HEATR5A: variants seen among roughly 807,000 people sequenced by gnomAD.
The protein encoded by HEATR5A is HEAT repeat containing 5A.
HEATR5A carries 178 observed loss-of-function variants against 218.8 expected under a neutral mutation model. The observed-to-expected ratio is 0.81, with a 90% CI of 0.72 to 0.92. The LOEUF (loss-of-function observed/expected upper bound fraction) is 0.92. Ranked by LOEUF, HEATR5A falls within the 40% of genes least tolerant of loss-of-function variation. The probability of loss-of-function intolerance (pLI) is 0.00; values close to 1 mark genes in which losing one functional copy is unlikely to be tolerated. For synonymous variants in HEATR5A, 864 were observed against 871.6 expected (o/e 0.99, Z 0.15); for missense variants, 2,420 against 2,418.9 (o/e 1.00, Z -0.01).
At position 31,306,746 on chromosome 14, in the gene HEATR5A, C is replaced by T; in HGVS notation, c.4952G>A (p.Arg1651Lys). The T allele has an allele frequency of 1.2e-6, 2 of 1,610,014 alleles. No homozygotes were observed. The highest frequency in any genetic ancestry group is 1.7e-6 in the Non-Finnish European group (2 of 1,177,836). Reference protein sequence around the residue: ...CAAQEHVKEKRRSAEVDDGAA... With the variant: ...CAAQEHVKEKKRSAEVDDGAA... ...TTAACATTTACCTTCTGCACTTCGT[C>T]TTTTTTCCTTCACATGTTCTTGAGC... The change falls in exon 31 of 36, where the codon AGA becomes AAA. Residue 1651 changes from arginine to lysine, a missense_variant. Arg to Lys is a conservative substitution (Grantham distance 26). Coordinates refer to ENST00000543095, the MANE Select transcript of HEATR5A (RefSeq NM_015473.4).
chr14:31,403,294 A>G (rs917049519), intron 1 of HEATR5A, among the ~76,000 whole-genome samples: 4 of 152,216 alleles, frequency 2.6e-5, no homozygotes, highest in African/African-American at 7.2e-5. Flanking sequence ...AAAACTTGCT[A>G]AACAGAAGAG....
chr14:31,412,496 T>G (rs1211413035), intron 1 of HEATR5A, among the ~76,000 whole-genome samples: 1 of 135,864 alleles, frequency 7.4e-6, no homozygotes, highest in African/African-American at 2.8e-5. Flanking sequence ...GGGAGCCTGG[T>G]GACAGAGCAA....
chr14:31,321,009 C>T (rs753176664), intron 25 of HEATR5A, among the ~76,000 whole-genome samples: 2 of 152,184 alleles, frequency 1.3e-5, no homozygotes, highest in African/African-American at 4.8e-5. Flanking sequence ...AGCAGAGATA[C>T]CTACTCATTT....
chr14:31,304,614 A>G (rs1255264295), intron 32 of HEATR5A, among the ~76,000 whole-genome samples: 1 of 152,072 alleles, frequency 6.6e-6, no homozygotes, highest in Non-Finnish European at 1.5e-5. Flanking sequence ...ATGGGGTTTC[A>G]CCATGTTGGT....
chr14:31,368,971 T>G (rs1332506912), intron 13 of HEATR5A, among the ~76,000 whole-genome samples: 3 of 152,140 alleles, frequency 2.0e-5, no homozygotes, highest in Non-Finnish European at 4.4e-5. Context: ...GAAGACATTT[T>G]TAATATTTTA....
intron 6 of HEATR5A, among the ~76,000 whole-genome samples, chr14:31,392,844 C>T (rs2030503806): frequency 6.6e-6 from 1 of 152,184 alleles, no homozygotes; most frequent in South Asian, 2.1e-4. Flanking sequence ...TCACACTCAA[C>T]ATCTATTCTA....
At chr14:31,337,386 T>A in intron 22 of HEATR5A, 90 bp downstream of exon 22, 1 of 1,070,336 alleles carries the variant, frequency 9.3e-7, no homozygotes. Context: ...CATATTAACT[T>A]TTAAACTGTT....
At chr14:31,345,012 T>C (rs955204116) in intron 20 of HEATR5A, 75 bp downstream of exon 20, 3 of 1,257,134 alleles carry the variant, frequency 2.4e-6, no homozygotes, top group Non-Finnish European at 3.4e-6. Context: ...GTGCCAAGCA[T>C]ACAGACTAGG....
At chr14:31,396,586 A>C (rs2030662087) in intron 4 of HEATR5A, among the ~76,000 whole-genome samples, 1 of 152,264 alleles carries the variant, frequency 6.6e-6, no homozygotes, top group African/African-American at 2.4e-5. Flanking sequence ...AGCATCAAGA[A>C]TCATTTCATA....
chr14:31,362,966 G>T (rs1295748831), intron 14 of HEATR5A, among the ~76,000 whole-genome samples: 2 of 151,988 alleles, frequency 1.3e-5, no homozygotes, highest in Non-Finnish European at 2.9e-5. Flanking sequence ...CCTGAGGTCA[G>T]GAGTTCACAC....
intron 23 of HEATR5A, among the ~76,000 whole-genome samples, chr14:31,325,216 G>A (rs1195942548): frequency 6.6e-6 from 1 of 152,014 alleles, no homozygotes; most frequent in African/African-American, 2.4e-5. Context: ...GAAAATAACT[G>A]GTTTTTCTCT....
At chr14:31,365,876 G>A (rs1300495155) in intron 13 of HEATR5A, among the ~76,000 whole-genome samples, 1 of 151,266 alleles carries the variant, frequency 6.6e-6, no homozygotes, top group African/African-American at 2.4e-5. Context: ...TGTTGCCCAG[G>A]CTGGTCTGAA....
In HEATR5A at chr14:31,306,857, T is replaced by G; in HGVS notation, c.4841A>C (p.Asn1614Thr). 6.2e-7 allele frequency: 1 copy of G among 1,612,362 alleles called. No individual in the cohort carries two copies. The highest frequency in any genetic ancestry group is 1.1e-5 in the South Asian group (1 of 90,804). ...SDQDLGIELL[N>T]VLHRVILTRE... ...GGTTAAAATTACTCGATGTAGAACA[T>G]TCAGCAATTCTATACCCAAGTCCTA... Residue 1614 changes from asparagine to threonine, a missense_variant, in exon 31 of 36, where the codon AAT becomes ACT. Transcript: ENST00000543095.
In HEATR5A at chr14:31,307,888, A is replaced by G. The variant is rs540276734; in HGVS notation, c.4818+5T>C. On this transcript the variant is annotated splice_donor_5th_base_variant and intron_variant, in intron 30 of 35. Coordinates refer to ENST00000543095, the MANE Select transcript of HEATR5A (RefSeq NM_015473.4). ...GCCTTACAAAAAAAACCCCAGATAA[A>G]TCACCTGATCACTGCCAATTTTTGA... 192 of 1,608,202 alleles carry G rather than the reference A, an allele frequency of 1.2e-4. 2 individuals carry two copies. In the South Asian group the frequency reaches 2.1e-3, roughly 17 times the overall value.
At chr14:31,397,819 C>T (rs1260886234) in intron 4 of HEATR5A, among the ~76,000 whole-genome samples, 1 of 152,210 alleles carries the variant, frequency 6.6e-6, no homozygotes, top group South Asian at 2.1e-4. Flanking sequence ...CCACCATACC[C>T]CAACTAATTT....
chr14:31,346,757 T>C (rs774570452), intron 19 of HEATR5A, among the ~76,000 whole-genome samples: 2 of 151,492 alleles, frequency 1.3e-5, no homozygotes, highest in East Asian at 1.9e-4. Context: ...CTAGAGAGAG[T>C]TCGAAAGAAA....
chr14:31,306,528 A>C (rs1402944581), intron 31 of HEATR5A, among the ~76,000 whole-genome samples: 1 of 152,122 alleles, frequency 6.6e-6, no homozygotes, highest in African/African-American at 2.4e-5. Context: ...TAAAGACTCT[A>C]CTTTCAGGGA....
intron 18 of HEATR5A, 97 bp downstream of exon 18, chr14:31,349,692 A>G (rs1901149406): frequency 1.3e-6 from 1 of 761,152 alleles, no homozygotes; most frequent in Admixed American, 3.1e-5. Context: ...TTCTTAGTTA[A>G]ATCTCAGAAT....
chr14:31,387,260 G>A lies in HEATR5A; in HGVS notation c.1049C>T (p.Thr350Ile). The A allele has an allele frequency of 6.2e-7, 1 of 1,613,994 alleles. No individual in the cohort carries two copies. Among genetic ancestry groups the A allele is most frequent in the Non-Finnish European group, 8.5e-7 (1 of 1,179,896 alleles). The part of the protein sequence containing the change: ...ASPSHPKATQ[T>I]QIDAVCCRRC... ...GCGACAGCAGACGGCATCGATCTGA[G>A]TTTGGGTGGCTTTAGGGTGTGACGG... Residue 350 changes from threonine to isoleucine, a missense_variant, in exon 8 of 36, where the codon ACT becomes ATT. Physicochemically the swap from Thr to Ile is moderately conservative, Grantham distance 89 (BLOSUM62 -1). Transcript: ENST00000543095.
Sources: allele counts gnomAD v4.1 joint callset (sites outside exome capture counted in the v4.1 genomes callset), GRCh38; gene constraint gnomAD v4.1.1; transcripts MANE v1.5; gene names NCBI Gene and HGNC (gene_info 2026-07-23, HGNC 2026-07-21).